PHLPP1: variants seen among roughly 807,000 people sequenced by gnomAD.
PHLPP1 encodes the protein PH domain and leucine rich repeat protein phosphatase 1, also known as PH domain leucine-rich repeat-containing protein phosphatase 1.
A neutral mutation model predicts 117.2 loss-of-function variants in PHLPP1; 42 were observed. The ratio of observed to expected loss-of-function variants is 0.36; its 90% CI spans 0.28 to 0.46. The LOEUF is 0.46. PHLPP1 is among the 20% of genes least tolerant of loss of function. The probability of loss-of-function intolerance (pLI) is 1.00; values close to 1 mark genes in which losing one functional copy is unlikely to be tolerated. For synonymous variants in PHLPP1, 1,042 were observed against 970.7 expected (o/e 1.07, Z -1.37); for missense variants, 2,084 against 2,241.9 (o/e 0.93, Z 1.42).
chr18:62,807,031 T>C lies in PHLPP1; in HGVS notation c.1577-23004T>C, dbSNP rs555672639. On this transcript the variant is annotated intron_variant, in intron 1 of 16. Transcript: ENST00000262719. ...TAAATAAAGTTGCCCTTATTGTCTT[T>C]CATAGCGAAATCTGGTTTAGTGTAA... Among the ~76,000 whole-genome samples, 6 of 152,302 alleles carry C rather than the reference T, an allele frequency of 3.9e-5. No homozygotes were observed. The East Asian group carries it at 7.7e-4, about 20-fold the overall frequency.
At chr18:62,727,633 A>G (rs1368736444) in intron 1 of PHLPP1, among the ~76,000 whole-genome samples, 5 of 150,812 alleles carry the variant, frequency 3.3e-5, no homozygotes, top group African/African-American at 1.2e-4. Flanking sequence ...AAAAAAAAAA[A>G]GCACTTTTCT....
At chr18:62,747,134 G>C (rs975685651) in intron 1 of PHLPP1, among the ~76,000 whole-genome samples, 13 of 152,026 alleles carry the variant, frequency 8.6e-5, no homozygotes, top group African/African-American at 3.1e-4. Context: ...AGGTTTTCTT[G>C]AAATTTCTAT....
chr18:62,847,462 T>G (rs1337685661), intron 3 of PHLPP1, among the ~76,000 whole-genome samples: 1 of 152,210 alleles, frequency 6.6e-6, no homozygotes, highest in East Asian at 1.9e-4. Context: ...GTACTTCTGT[T>G]ATTAGTACTT....
chr18:62,881,926 C>A (rs1377936879), intron 4 of PHLPP1, among the ~76,000 whole-genome samples: 4 of 152,142 alleles, frequency 2.6e-5, no homozygotes, highest in African/African-American at 9.7e-5. Context: ...GTGTTCCCAG[C>A]AATTCTGAAG....
At chr18:62,827,953 A>G (rs1298504566) in intron 1 of PHLPP1, among the ~76,000 whole-genome samples, 1 of 151,880 alleles carries the variant, frequency 6.6e-6, no homozygotes, top group Non-Finnish European at 1.5e-5. Context: ...CAGGTTAACA[A>G]GTATTCTTGA....
At chr18:62,831,848 C>G (rs959946788) in intron 2 of PHLPP1, among the ~76,000 whole-genome samples, 6 of 152,124 alleles carry the variant, frequency 3.9e-5, no homozygotes, top group African/African-American at 1.4e-4. Context: ...AATACTTGAT[C>G]ATTTTCAAAA....
intron 10 of PHLPP1, among the ~76,000 whole-genome samples, chr18:62,940,742 T>C (rs1305103446): frequency 6.6e-6 from 1 of 152,216 alleles, no homozygotes; most frequent in Admixed American, 6.5e-5. Flanking sequence ...ATGTAAAATT[T>C]ATTTAAGTAC....
chr18:62,822,073 A>G (rs967339331), intron 1 of PHLPP1, among the ~76,000 whole-genome samples: 3 of 152,186 alleles, frequency 2.0e-5, no homozygotes, highest in Non-Finnish European at 4.4e-5. Flanking sequence ...AGTGTGGGCT[A>G]TGGACCAGGA....
chr18:62,743,093 A>G (rs1052794280), intron 1 of PHLPP1, among the ~76,000 whole-genome samples: 2 of 152,254 alleles, frequency 1.3e-5, no homozygotes, highest in African/African-American at 4.8e-5. Context: ...CTTTTTATCC[A>G]TAAACAAGAG....
chr18:62,875,988 C>T (rs1161349994), intron 4 of PHLPP1, among the ~76,000 whole-genome samples: 1 of 152,124 alleles, frequency 6.6e-6, no homozygotes, highest in Non-Finnish European at 1.5e-5. Context: ...CTGCCTCAGC[C>T]TCCCAAAGTG....
intron 1 of PHLPP1, among the ~76,000 whole-genome samples, chr18:62,728,250 G>T (rs933826380): frequency 1.3e-5 from 2 of 151,190 alleles, no homozygotes; most frequent in Non-Finnish European, 1.5e-5. Flanking sequence ...AGCCGAGATG[G>T]TGCCACTGCA....
In PHLPP1 at chr18:62,979,347, G is replaced by GCCA. The variant is rs1911307287; in HGVS notation, c.5076_5078dup (p.Pro1694dup). On this transcript the variant is annotated inframe_insertion, in exon 17 of 17. Coordinates refer to ENST00000262719, the MANE Select transcript of PHLPP1 (RefSeq NM_194449.4). ...AGGAGCAACAGCAGCAGCAGCAGCCGCCACCACCCCCTCAGCTCCAGCCGC... is the reference window on the plus strand; with the variant it reads ...AGGAGCAACAGCAGCAGCAGCAGCCGCCACCACCACCCCCTCAGCTCCAGCCGC... 1 of 1,547,620 alleles carries GCCA rather than the reference G, an allele frequency of 6.5e-7. No individual in the cohort carries two copies.
intron 14 of PHLPP1, among the ~76,000 whole-genome samples, chr18:62,964,901 C>A (rs1910860942): frequency 6.6e-6 from 1 of 152,126 alleles, no homozygotes. Flanking sequence ...CCAATTAGAT[C>A]TGGGTGGGCT....
At chr18:62,728,209 C>G (rs190625772) in intron 1 of PHLPP1, among the ~76,000 whole-genome samples, 2 of 151,652 alleles carry the variant, frequency 1.3e-5, no homozygotes, top group African/African-American at 4.8e-5. Flanking sequence ...GCAGAAGAAT[C>G]ACTTGAGTCC....
chr18:62,955,875 A>G (rs758543423), intron 12 of PHLPP1, among the ~76,000 whole-genome samples: 3 of 152,144 alleles, frequency 2.0e-5, no homozygotes, highest in Admixed American at 6.5e-5. Flanking sequence ...CTGTCCCATC[A>G]GTGTCCAGTA....
intron 4 of PHLPP1, among the ~76,000 whole-genome samples, chr18:62,877,377 G>C (rs1160205635): frequency 6.6e-6 from 1 of 152,212 alleles, no homozygotes; most frequent in Non-Finnish European, 1.5e-5. Context: ...CAGTTCATTT[G>C]ATCGATTTAA....
chr18:62,969,984 C>T (rs1181888689), intron 14 of PHLPP1, among the ~76,000 whole-genome samples: 2 of 152,020 alleles, frequency 1.3e-5, no homozygotes, highest in Admixed American at 6.5e-5. Flanking sequence ...TAGGTTTAAA[C>T]CTTCCACCTT....
At chr18:62,799,635 C>G (rs1913720200) in intron 1 of PHLPP1, among the ~76,000 whole-genome samples, 1 of 152,166 alleles carries the variant, frequency 6.6e-6, no homozygotes, top group African/African-American at 2.4e-5. Flanking sequence ...TATTTTCCCC[C>G]TTTCAGGCAT....
At chr18:62,881,625 G>A (rs1450820446) in intron 4 of PHLPP1, among the ~76,000 whole-genome samples, 2 of 152,204 alleles carry the variant, frequency 1.3e-5, no homozygotes, top group African/African-American at 2.4e-5. Flanking sequence ...TTTGGCTCAA[G>A]TGTTGACAAG....
Sources: allele counts gnomAD v4.1 joint callset (sites outside exome capture counted in the v4.1 genomes callset), GRCh38; gene constraint gnomAD v4.1.1; transcripts MANE v1.5; gene names NCBI Gene and HGNC (gene_info 2026-07-23, HGNC 2026-07-21).